Variants in MSLN observed in about 807,000 individuals in gnomAD.
MSLN encodes the protein mesothelin.
A neutral mutation model predicts 72.6 loss-of-function variants in MSLN; 82 were observed. That is an observed-to-expected ratio of 1.13 (90% CI 0.94 to 1.36). MSLN has a LOEUF of 1.36. MSLN is among the 40% of genes most tolerant of loss of function. MSLN has a pLI of 0.00. For missense variants in MSLN, 1,005 were observed against 847.9 expected, an observed-to-expected ratio of 1.19 and a Z score of -2.30; for synonymous variants, 456 against 387.3, an observed-to-expected ratio of 1.18 and a Z score of -2.08.
rs772719877 is a variant in MSLN at position 766,750 on chromosome 16, C to T, written c.1313C>T (p.Pro438Leu). 61 of 1,612,570 alleles carry T rather than the reference C, an allele frequency of 3.8e-5. 2 individuals carry two copies. The South Asian group carries it at 5.6e-4, about 15-fold the overall frequency. ...DTLDTLTAFYPGYLCSLSPEE... is the reference protein window; with the variant it reads ...DTLDTLTAFYLGYLCSLSPEE... ...CTAGACACCCTGACCGCCTTCTACC[C>T]TGGGTACCTGTGCTCCCTCAGCCCC... The change falls in exon 14 of 18, where the codon CCT (proline) becomes CTT (leucine). Residue 438 changes from proline to leucine, a missense_variant. Physicochemically the swap from Pro to Leu is moderately conservative, Grantham distance 98 (BLOSUM62 -3). Transcript: ENST00000545450.
At chr16:763,298 C>T (rs769529549) in intron 4 of MSLN, 22 bp downstream of exon 4, 14 of 1,534,306 alleles carry the variant, frequency 9.1e-6, no homozygotes, top group Non-Finnish European at 1.2e-5. Context: ...TCTGGGGAAA[C>T]AGGGGAGGGT....
rs1294671011 is a variant in MSLN at position 767,287 on chromosome 16, G to C, written c.1502-89G>C. The C allele has an allele frequency of 4.7e-6, 6 of 1,288,030 alleles. No homozygotes were observed. The African/African-American group carries it at 7.3e-5, about 16-fold the overall frequency. 79.8% of individuals were successfully genotyped at this position (1,288,030 alleles called of 1,614,324 possible). ...ATCCCTAAGGAAAAAGGGAAGCCCT[G>C]TAAGGCAAGTGGGCTTCCTGCAGCC... On this transcript the variant is annotated intron_variant, in intron 15 of 17. Coordinates refer to ENST00000545450, the MANE Select transcript of MSLN (RefSeq NM_005823.6).
Position 767,463 on chromosome 16 carries a change from C to G in MSLN, c.1589C>G (p.Ala530Gly). 1 of 1,412,892 alleles carries G rather than the reference C, an allele frequency of 7.1e-7. No homozygotes were observed. Among genetic ancestry groups the G allele is most frequent in the Non-Finnish European group, 9.4e-7 (1 of 1,062,460 alleles). The allele number at this position is 1,412,892 out of a possible 1,614,324, so 87.5% of individuals were successfully genotyped here. A position where few individuals can be genotyped will look rare whatever the true frequency, so the allele number is the denominator to read the frequency against. Residue 530 changes from alanine (A) to glycine (G), a missense_variant, in exon 16 of 18, where the codon GCG becomes GGG. By Grantham distance (60) the Ala-to-Gly change is moderately conservative (BLOSUM62 0). Transcript: ENST00000545450. ...LATFMKLRTD[A>G]VLPLTVAEVQ... ...ACGTTCATGAAGCTGCGGACGGATG[C>G]GGTGCTGGTATGGCGAGCGGGAGGA...
intron 16 of MSLN, 33 bp from the exon 17 acceptor site, chr16:768,346 C>A: frequency 6.7e-7 from 1 of 1,497,152 alleles, no homozygotes; most frequent in Non-Finnish European, 8.9e-7. Context: ...GGGAAGGAGA[C>A]CCTCCTTGAT....
At position 762,664 on chromosome 16, in the gene MSLN, C is replaced by A. The variant is rs2041550426; in HGVS notation, c.-9-8C>A. 6.2e-7 allele frequency: 1 copy of A among 1,607,442 alleles called. No individual in the cohort carries two copies. On this transcript the variant is annotated splice_region_variant and splice_polypyrimidine_tract_variant and intron_variant, in intron 2 of 17. Transcript: ENST00000545450. ...GGGGGTCCCATCCTGAGTCACTGCC[C>A]TCCACAGACACAGACCATGGCCTTG... is the stretch of plus-strand genomic sequence containing the variant.
rs1367220910 is a variant in MSLN, at chr16:764,138, G to C, written c.295G>C (p.Glu99Gln). 1 of 1,603,650 alleles carries C rather than the reference G, an allele frequency of 6.2e-7. No homozygotes were observed. Among genetic ancestry groups the C allele is most frequent in the Non-Finnish European group, 8.5e-7 (1 of 1,179,450 alleles). The change falls in exon 6 of 18, where the codon GAG becomes CAG. Residue 99 changes from glutamate to glutamine, a missense_variant. Glu to Gln is a conservative substitution (Grantham distance 29). Coordinates refer to ENST00000545450, the MANE Select transcript of MSLN (RefSeq NM_005823.6). ...LAQKNVKLSTEQLRCLAHRLS... is the reference protein window; with the variant it reads ...LAQKNVKLSTQQLRCLAHRLS... ...ACAGAAGAATGTCAAGCTCTCAACAGAGCAGGTCAGTCTCAGTTGGGCTGA... is the reference window on the plus strand; with the variant it reads ...ACAGAAGAATGTCAAGCTCTCAACACAGCAGGTCAGTCTCAGTTGGGCTGA...
chr16:767,500 AGGAGGGGCCCGT>A, intron 16 of MSLN, 30 bp downstream of exon 16: 1 of 1,266,132 alleles, frequency 7.9e-7, no homozygotes, highest in Non-Finnish European at 1.0e-6. Context: ...GGGCGTGTGG[AGGAGGGGCCCGT>A]GGAGGAGGGG....
chr16:768,295 T>G, intron 16 of MSLN, 84 bp from the exon 17 acceptor site: 1 of 1,393,206 alleles, frequency 7.2e-7, no homozygotes, highest in Non-Finnish European at 9.5e-7. Flanking sequence ...GGTGGGGCAG[T>G]TTGGACACAG....
In MSLN at chr16:765,525, A is replaced by G. The variant is rs771266943; in HGVS notation, c.705-2A>G. On this transcript the variant is annotated splice_acceptor_variant, in intron 9 of 17. Coordinates refer to ENST00000545450, the MANE Select transcript of MSLN (RefSeq NM_005823.6). LOFTEE classifies it high-confidence loss of function. ...CCTGAGCTGTGTCCCGTGTCTGCAC[A>G]GCCCCCCGTCGACATGGTCTGTCTC... 36 of 1,603,214 alleles carry G rather than the reference A, an allele frequency of 2.2e-5. No homozygotes were observed. Among genetic ancestry groups the G allele is most frequent in the Admixed American group, 1.2e-4 (7 of 59,746 alleles).
At chr16:766,021 G>T in intron 11 of MSLN, 38 bp from the exon 12 acceptor site, 1 of 1,556,490 alleles carries the variant, frequency 6.4e-7, no homozygotes. Context: ...GGGGTCAAAC[G>T]AACTCCGGCC....
Position 767,154 on chromosome 16 carries a change from G to A in MSLN, c.1501+142G>A. 11 of 1,394,850 alleles carry A rather than the reference G, an allele frequency of 7.9e-6. No individual in the cohort carries two copies. The South Asian group carries it at 1.2e-4, about 15-fold the overall frequency. 86.4% of individuals were successfully genotyped at this position (1,394,850 alleles called of 1,614,324 possible). A position where few individuals can be genotyped will look rare whatever the true frequency, so the allele number is the denominator to read the frequency against. On this transcript the variant is annotated intron_variant, in intron 15 of 17. Coordinates refer to ENST00000545450, the MANE Select transcript of MSLN (RefSeq NM_005823.6). ...TCACCCGCCCTCTGCCCCCCGGGGT[G>A]TGTATGGCCTTAGGGGCTGTGGGTT...
chr16:764,605 G>C, intron 6 of MSLN, 42 bp from the exon 7 acceptor site: 1 of 1,551,560 alleles, frequency 6.4e-7, no homozygotes, highest in East Asian at 2.2e-5. Flanking sequence ...CCATGTGAGT[G>C]GCGGCTCGAA....
In MSLN at chr16:767,357, C is replaced by T; in HGVS notation, c.1502-19C>T. ...GTGTGAGGTGAGGCCTCAGCTCGGG[C>T]CCCTCTCCCGGCGGGCAGGTGGGGC... On this transcript the variant is annotated intron_variant, in intron 15 of 17. Coordinates refer to ENST00000545450, the MANE Select transcript of MSLN (RefSeq NM_005823.6). The T allele has an allele frequency of 6.2e-7, 1 of 1,607,822 alleles. No individual in the cohort carries two copies. Among genetic ancestry groups the T allele is most frequent in the Middle Eastern group, 1.7e-4 (1 of 5,924 alleles).
At chr16:763,554 G>C (rs1012821902) in intron 4 of MSLN, 88 bp from the exon 5 acceptor site, 1 of 1,322,832 alleles carries the variant, frequency 7.6e-7, no homozygotes, top group African/African-American at 1.5e-5. Context: ...TGAACTCGGG[G>C]AGTACCTGGC....
Position 764,102 on chromosome 16 carries a change from G to T in MSLN, c.259G>T (p.Val87Leu). 1 of 1,606,486 alleles carries T rather than the reference G, an allele frequency of 6.2e-7. No individual in the cohort carries two copies. Residue 87 changes from valine (V) to leucine (L), a missense_variant, in exon 6 of 18, where the codon GTG (valine) becomes TTG (leucine). Transcript: ENST00000545450. ...LSTERVRELA[V>L]ALAQKNVKLS... Reference sequence around the variant, plus strand: ...CACGGAGCGTGTCCGGGAGCTGGCTGTGGCCTTGGCACAGAAGAATGTCAA... The same window carrying T: ...CACGGAGCGTGTCCGGGAGCTGGCTTTGGCCTTGGCACAGAAGAATGTCAA...
chr16:766,815 G>C lies in MSLN; in HGVS notation c.1373+5G>C, dbSNP rs370153847. ...CGTGCCCCCCAGCAGCATCTGGTGAGTCCCCAGAACTCTGCCCGGCAAGGT... is the reference window on the plus strand; with the variant it reads ...CGTGCCCCCCAGCAGCATCTGGTGACTCCCCAGAACTCTGCCCGGCAAGGT... On this transcript the variant is annotated splice_donor_5th_base_variant and intron_variant, in intron 14 of 17. Transcript: ENST00000545450. 1.2e-6 allele frequency: 2 copies of C among 1,612,314 alleles called. No individual in the cohort carries two copies. Among genetic ancestry groups the C allele is most frequent in the Non-Finnish European group, 1.7e-6 (2 of 1,179,882 alleles).
In MSLN at chr16:767,458, G is replaced by A. The variant is rs562393857; in HGVS notation, c.1584G>A (p.Thr528=). The part of the protein sequence containing the change: ...MDLATFMKLR[T]DAVLPLTVAE... ...TGGCCACGTTCATGAAGCTGCGGAC[G>A]GATGCGGTGCTGGTATGGCGAGCGG... The change falls in exon 16 of 18, where the codon ACG becomes ACA. Residue 528 remains threonine (T), a synonymous_variant. Coordinates refer to ENST00000545450, the MANE Select transcript of MSLN (RefSeq NM_005823.6). The A allele has an allele frequency of 1.0e-4, 166 of 1,597,234 alleles. 3 individuals are homozygous for A. In the South Asian group the frequency reaches 1.5e-3, roughly 14 times the overall value.
Position 763,921 on chromosome 16 carries a change from A to G in MSLN, c.180-102A>G. 5 of 1,511,454 alleles carry G rather than the reference A, an allele frequency of 3.3e-6. No homozygotes were observed. In the South Asian group the frequency reaches 3.6e-5, roughly 11 times the overall value. The allele number at this position is 1,511,454 out of a possible 1,614,324, so 93.6% of individuals were successfully genotyped here. The stretch of plus-strand genomic sequence containing the variant: ...TGGGGGGAGGTCTGCAGGGAGCACC[A>G]GGGTCCTTTGGGGAGAGGTGGGGCT... On this transcript the variant is annotated intron_variant, in intron 5 of 17. Coordinates refer to ENST00000545450, the MANE Select transcript of MSLN (RefSeq NM_005823.6).
rs1304207931 is a variant in MSLN at position 765,292 on chromosome 16, A to AC, written c.699dup (p.Tyr234LeufsTer52). The AC allele has an allele frequency of 2.9e-5, 45 of 1,575,378 alleles. No individual in the cohort carries two copies. Among genetic ancestry groups the AC allele is most frequent in the Admixed American group, 5.3e-5 (3 of 56,754 alleles). ...CCAGGGCGGCTCTGCAGGGCGGGGG[A>AC]CCCCCCTACGGGTAAGTGAAGGTGT... On this transcript the variant is annotated frameshift_variant, in exon 9 of 18. Transcript: ENST00000545450. LOFTEE classifies it high-confidence loss of function.
Sources: allele counts gnomAD v4.1 joint callset, GRCh38; gene constraint gnomAD v4.1.1; transcripts MANE v1.5; gene names NCBI Gene and HGNC (gene_info 2026-07-23, HGNC 2026-07-21).